NELL1: variants seen among roughly 807,000 people sequenced by gnomAD.
NELL1 encodes protein kinase C-binding protein NELL1.
In NELL1, 76 loss-of-function variants were observed where a neutral mutation model predicts 107.4. That is an observed-to-expected ratio of 0.71 (90% CI 0.59 to 0.86). NELL1 has a LOEUF of 0.86. NELL1 is among the 40% of genes least tolerant of loss of function. The pLI is 0.00. For synonymous variants in NELL1, 353 were observed against 341.2 expected (o/e 1.03, Z -0.38); for missense variants, 1,024 against 1,005.5 (o/e 1.02, Z -0.25).
At chr11:20,702,347 G>A (rs907774929) in intron 2 of NELL1, among the ~76,000 whole-genome samples, 1 of 152,114 alleles carries the variant, frequency 6.6e-6, no homozygotes, top group Non-Finnish European at 1.5e-5. Context: ...TGTGATTTTT[G>A]CACATTGATT....
chr11:21,148,157 A>G (rs1420787799), intron 13 of NELL1, among the ~76,000 whole-genome samples: 1 of 152,120 alleles, frequency 6.6e-6, no homozygotes, highest in African/African-American at 2.4e-5. Flanking sequence ...ATACTGTTGT[A>G]AAGGGATAAA....
intron 2 of NELL1, among the ~76,000 whole-genome samples, chr11:20,706,490 G>C (rs1392660597): frequency 6.7e-6 from 1 of 148,708 alleles, no homozygotes; most frequent in Admixed American, 6.7e-5. Flanking sequence ...GACACAGGAA[G>C]GGGAACATCA....
At chr11:20,878,315 C>T (rs1223949807) in intron 4 of NELL1, among the ~76,000 whole-genome samples, 1 of 130,428 alleles carries the variant, frequency 7.7e-6, no homozygotes. Context: ...GCCGAGATCG[C>T]GGCACTGCAC....
intron 17 of NELL1, 62 bp downstream of exon 17, chr11:21,560,444 T>G: frequency 1.4e-6 from 2 of 1,430,456 alleles, no homozygotes; most frequent in Non-Finnish European, 1.9e-6. Flanking sequence ...CTCACTTTTC[T>G]ACCTCCCCAG....
intron 4 of NELL1, among the ~76,000 whole-genome samples, chr11:20,849,245 A>C (rs1202598172): frequency 6.6e-6 from 1 of 152,118 alleles, no homozygotes; most frequent in Non-Finnish European, 1.5e-5. Context: ...GTAATTTCCA[A>C]CTTAAGAGTC....
chr11:20,749,614 T>G (rs1368478478), intron 2 of NELL1, among the ~76,000 whole-genome samples: 1 of 151,896 alleles, frequency 6.6e-6, no homozygotes, highest in Admixed American at 6.6e-5. Context: ...AATAACTAAA[T>G]AAAATAACAT....
At chr11:21,209,290 AC>A (rs1343981655) in intron 13 of NELL1, among the ~76,000 whole-genome samples, 1 of 148,336 alleles carries the variant, frequency 6.7e-6, no homozygotes, top group African/African-American at 2.5e-5. Flanking sequence ...TTACTTCTTA[AC>A]CCCACATTAA....
intron 12 of NELL1, among the ~76,000 whole-genome samples, chr11:20,983,301 A>T (rs1851785979): frequency 6.6e-6 from 1 of 152,160 alleles, no homozygotes; most frequent in East Asian, 1.9e-4. Context: ...GGAGTGCCTT[A>T]AGGCTTGATC....
At chr11:20,922,163 T>G (rs1850393549) in intron 7 of NELL1, among the ~76,000 whole-genome samples, 1 of 152,110 alleles carries the variant, frequency 6.6e-6, no homozygotes, top group Non-Finnish European at 1.5e-5. Flanking sequence ...CTTGGGAAGA[T>G]ACTTTTCCCC....
At chr11:21,017,488 C>A (rs767479710) in intron 12 of NELL1, among the ~76,000 whole-genome samples, 1 of 152,004 alleles carries the variant, frequency 6.6e-6, no homozygotes, top group Admixed American at 6.6e-5. Context: ...ATTTTTTATA[C>A]CTGTAATACA....
At chr11:20,827,773 T>A (rs1857916308) in intron 3 of NELL1, among the ~76,000 whole-genome samples, 1 of 151,274 alleles carries the variant, frequency 6.6e-6, no homozygotes, top group African/African-American at 2.4e-5. Context: ...AGTAAATTGG[T>A]TATGATTTTC....
At chr11:21,045,739 A>G (rs1430273789) in intron 12 of NELL1, among the ~76,000 whole-genome samples, 1 of 152,172 alleles carries the variant, frequency 6.6e-6, no homozygotes, top group Non-Finnish European at 1.5e-5. Flanking sequence ...GCCACATTTC[A>G]GTAATAATCC....
At position 20,753,361 on chromosome 11, in the gene NELL1, A is replaced by T. The variant is rs139716138; in HGVS notation, c.185-30319A>T. 3.9e-5 allele frequency among the ~76,000 whole-genome samples: 6 copies of T among 152,354 alleles called. No homozygotes were observed. In the East Asian group the frequency reaches 1.2e-3, roughly 29 times the overall value. ...GTAAAATTCTGAATTAAAGAAATTAAACAGATGGTAACATTAGAAATGATT... is the reference window on the plus strand; with the variant it reads ...GTAAAATTCTGAATTAAAGAAATTATACAGATGGTAACATTAGAAATGATT... On this transcript the variant is annotated intron_variant, in intron 2 of 19. Transcript: ENST00000357134.
At chr11:20,924,813 G>A (rs900659729) in intron 7 of NELL1, among the ~76,000 whole-genome samples, 1 of 152,046 alleles carries the variant, frequency 6.6e-6, no homozygotes, top group African/African-American at 2.4e-5. Flanking sequence ...GAACTACTGG[G>A]GCTATGGAAA....
In NELL1 at chr11:21,130,197, A is replaced by G. The variant is rs73448521; in HGVS notation, c.1426+16483A>G. ...GTATGGATGCTTGTTAAATCAGTAA[A>G]CTCCAATCAGCCCTTCTCTATCCTG... On this transcript the variant is annotated intron_variant, in intron 13 of 19. Transcript: ENST00000357134. Among the ~76,000 whole-genome samples the G allele has an allele frequency of 7.8e-3, 1,180 of 151,814 alleles. 23 individuals carry two copies. Among genetic ancestry groups the G allele is most frequent in the African/African-American group, 0.027 (1,115 of 41,342 alleles).
chr11:21,159,843 C>T (rs923885549), intron 13 of NELL1, among the ~76,000 whole-genome samples: 1 of 152,166 alleles, frequency 6.6e-6, no homozygotes, highest in African/African-American at 2.4e-5. Context: ...GTAATAGGGT[C>T]CATATCCCTC....
intron 4 of NELL1, among the ~76,000 whole-genome samples, chr11:20,871,516 C>G (rs1327553387): frequency 6.6e-6 from 1 of 152,206 alleles, no homozygotes; most frequent in Non-Finnish European, 1.5e-5. Flanking sequence ...ATTCATCCAT[C>G]ATCCAAACAA....
chr11:21,058,413 C>T (rs1853661069), intron 12 of NELL1, among the ~76,000 whole-genome samples: 1 of 152,050 alleles, frequency 6.6e-6, no homozygotes, highest in Admixed American at 6.6e-5. Context: ...TTTGGTTTAG[C>T]TTGTTTAAAT....
chr11:20,732,599 A>G (rs942640770), intron 2 of NELL1, among the ~76,000 whole-genome samples: 3 of 152,144 alleles, frequency 2.0e-5, no homozygotes, highest in African/African-American at 7.2e-5. Flanking sequence ...GATTTGCAGC[A>G]AGAGGGGAAA....
Sources: gnomAD v4.1 joint callset for allele counts (sites outside exome capture counted in the v4.1 genomes callset) on GRCh38, gnomAD v4.1.1 for gene constraint, MANE v1.5 for transcripts, NCBI Gene and HGNC (gene_info 2026-07-23, HGNC 2026-07-21) for gene names.